The following OSGEP variants were observed in gnomAD, a reference collection of about 807,000 sequenced individuals.
The protein encoded by OSGEP is O-sialoglycoprotein endopeptidase.
OSGEP carries 39 observed loss-of-function variants against 44.1 expected under a neutral mutation model. The observed-to-expected ratio is 0.88, with a 90% CI of 0.69 to 1.16. The LOEUF (loss-of-function observed/expected upper bound fraction) is 1.16. Ranked by LOEUF, OSGEP falls within the 50% of genes most tolerant of loss-of-function variation. The probability of loss-of-function intolerance (pLI) is 0.00; values close to 1 mark genes in which losing one functional copy is unlikely to be tolerated. For missense variants in OSGEP, 403 were observed against 443.1 expected (o/e 0.91, Z 0.81); for synonymous variants, 139 against 161.9 (o/e 0.86, Z 1.07).
chr14:20,454,763 C>G lies in OSGEP; in HGVS notation c.-80G>C. ...GAGGTCCTCACTAGTCCGCGCTGGG[C>G]CGCAGCTTTCCGGAGCGCAGAGGAA... On this transcript the variant is annotated 5_prime_UTR_variant, in exon 1 of 11. Coordinates refer to ENST00000206542, the MANE Select transcript of OSGEP (RefSeq NM_017807.4). The G allele has an allele frequency of 9.9e-7, 1 of 1,014,390 alleles. No homozygotes were observed. The highest frequency in any genetic ancestry group is 1.5e-6 in the Non-Finnish European group (1 of 666,072). The allele number at this position is 1,014,390 out of a possible 1,614,324, so 62.8% of individuals were successfully genotyped here.
At chr14:20,452,293 A>G (rs779828550) in intron 2 of OSGEP, 36 bp downstream of exon 2, 3 of 1,611,622 alleles carry the variant, frequency 1.9e-6, no homozygotes, top group East Asian at 2.2e-5. Flanking sequence ...GGTTGCAGGT[A>G]TATTCCTCCA....
rs755083336 is a variant in OSGEP at position 20,449,218 on chromosome 14, C to T, written c.460G>A (p.Asp154Asn). ...TCCAGACAATTACCCACTGCAATATCGATGGTTTCCCCAAAGATACGGTAA... is the reference window on the plus strand; with the variant it reads ...TCCAGACAATTACCCACTGCAATATTGATGGTTTCCCCAAAGATACGGTAA... ...HRYRIFGETIDIAVGNCLDRF... is the reference protein window; with the variant it reads ...HRYRIFGETINIAVGNCLDRF... Residue 154 changes from aspartate to asparagine, a missense_variant, in exon 4 of 11, where the codon GAT becomes AAT. Asp to Asn is a conservative substitution (Grantham distance 23, BLOSUM62 1). Coordinates refer to ENST00000206542, the MANE Select transcript of OSGEP (RefSeq NM_017807.4). The T allele has an allele frequency of 1.9e-6, 3 of 1,613,528 alleles. No individual in the cohort carries two copies. Among genetic ancestry groups the T allele is most frequent in the African/African-American group, 1.3e-5 (1 of 75,018 alleles).
At chr14:20,450,779 AT>A (rs1442470463) in intron 3 of OSGEP, 1 of 152,268 alleles carries the variant, frequency 6.6e-6, no homozygotes, top group East Asian at 1.9e-4. Context: ...AAAAGGTCAT[AT>A]AAGGTAACCC....
Position 20,447,254 on chromosome 14 carries a change from T to C in OSGEP, c.994A>G (p.Thr332Ala), listed in dbSNP as rs1419274142. ...TGTTGATCTTATTAGTCCCTCCAGG[T>C]CACCTCTACTTCATCTGTCCGATAC... ...QRYRTDEVEV[T>A]WRD The change falls in exon 11 of 11, where the codon ACC becomes GCC. Residue 332 changes from threonine (T) to alanine (A), a missense_variant. By Grantham distance (58) the Thr-to-Ala change is moderately conservative. Coordinates refer to ENST00000206542, the MANE Select transcript of OSGEP (RefSeq NM_017807.4). The C allele has an allele frequency of 6.2e-7, 1 of 1,614,096 alleles. No homozygotes were observed. Among genetic ancestry groups the C allele is most frequent in the Admixed American group, 1.7e-5 (1 of 60,026 alleles).
Position 20,447,468 on chromosome 14 carries a change from G to A in OSGEP, c.922C>T (p.Arg308Trp), listed in dbSNP as rs374503423. The change falls in exon 10 of 11, where the codon CGG becomes TGG. Residue 308 changes from arginine to tryptophan, a missense_variant. Arg to Trp is a moderately radical substitution (Grantham distance 101). Coordinates refer to ENST00000206542, the MANE Select transcript of OSGEP (RefSeq NM_017807.4). The part of the protein sequence containing the change: ...MIAQAGWEMF[R>W]AGHRTPLSDS... ...CTGAGTGGGGTCCTGTGTCCAGCCC[G>A]AAACATCTCCCAGCCAGCCTGGGCT... 26 of 1,613,948 alleles carry A rather than the reference G, an allele frequency of 1.6e-5. No individual in the cohort carries two copies. The highest frequency in any genetic ancestry group is 2.2e-5 in the South Asian group (2 of 91,084).
At chr14:20,449,405 T>C in intron 3 of OSGEP, 139 bp from the exon 4 acceptor site, 4 of 651,584 alleles carry the variant, frequency 6.1e-6, no homozygotes, top group Non-Finnish European at 1.1e-5. Flanking sequence ...TCCCAAATGG[T>C]GAATGGGTAG....
chr14:20,452,710 T>G (rs1470816341), intron 1 of OSGEP, among the ~76,000 whole-genome samples: 1 of 30,180 alleles, frequency 3.3e-5, no homozygotes, highest in Admixed American at 2.7e-4. Context: ...TTCGTGATCT[T>G]TTTTTTTTTT....
chr14:20,451,659 G>T, intron 3 of OSGEP: 1 of 219,510 alleles, frequency 4.6e-6, no homozygotes, highest in Non-Finnish European at 8.9e-6. Context: ...TCAAAATAAT[G>T]CAAGAGCTTT....
intron 1 of OSGEP, among the ~76,000 whole-genome samples, chr14:20,453,500 G>A (rs779513409): frequency 1.3e-5 from 2 of 151,998 alleles, no homozygotes; most frequent in Non-Finnish European, 2.9e-5. Flanking sequence ...CCAAGTAGCT[G>A]GGTTTACAGG....
At position 20,447,419 on chromosome 14, in the gene OSGEP, C is replaced by G; in HGVS notation, c.968+3G>C. On this transcript the variant is annotated splice_donor_region_variant and intron_variant, in intron 10 of 10. Transcript: ENST00000206542. ...TACCCTCACCAAGAGGTGAATCACT[C>G]ACCTCTGTGTAACCCCAGAATCACT... 1 of 1,612,994 alleles carries G rather than the reference C, an allele frequency of 6.2e-7. No homozygotes were observed. Among genetic ancestry groups the G allele is most frequent in the Non-Finnish European group, 8.5e-7 (1 of 1,178,936 alleles).
chr14:20,448,645 G>C (rs1252398398), intron 6 of OSGEP, 88 bp downstream of exon 6: 5 of 906,552 alleles, frequency 5.5e-6, no homozygotes, highest in Non-Finnish European at 9.1e-6. Flanking sequence ...TGAATATACT[G>C]AGCTATACGA....
At position 20,452,708 on chromosome 14, in the gene OSGEP, CTT is replaced by C. The variant is rs59935464; in HGVS notation, c.116-262_116-261del. Among the ~76,000 whole-genome samples, 94 of 135,312 alleles carry C rather than the reference CTT, an allele frequency of 6.9e-4. No individual in the cohort carries two copies. The South Asian group carries it at 7.1e-3, about 10-fold the overall frequency. 88.8% of individuals were successfully genotyped at this position (135,312 alleles called of 152,430 possible). On this transcript the variant is annotated intron_variant, in intron 1 of 10. Transcript: ENST00000206542. ...TATCTACCTCATACCCTTTCGTGAT[CTT>C]TTTTTTTTTTTTTTCTTTTGAGACA...
At position 20,447,677 on chromosome 14, in the gene OSGEP, T is replaced by C. The variant is rs1488480452; in HGVS notation, c.807A>G (p.Leu269=). 2 of 1,613,600 alleles carry C rather than the reference T, an allele frequency of 1.2e-6. No individual in the cohort carries two copies. The highest frequency in any genetic ancestry group is 2.2e-5 in the East Asian group (1 of 44,878). ...GGCACATTGTTGCCATCATCTCCTG[T>C]AGCCTCACATTACCTACAAAGAGGC... ...IVGGVGCNVR[L]QEMMATMCQE... The change falls in exon 9 of 11, where the codon CTA becomes CTG. Residue 269 remains leucine, a synonymous_variant. Coordinates refer to ENST00000206542, the MANE Select transcript of OSGEP (RefSeq NM_017807.4).
chr14:20,451,291 G>GTTT, intron 3 of OSGEP: 1 of 282,552 alleles, frequency 3.5e-6, no homozygotes, highest in South Asian at 2.9e-5. Flanking sequence ...TCCTTTAGTT[G>GTTT]TTTTTTTTTG....
At chr14:20,451,932 G>A (rs1486538952) in intron 3 of OSGEP, 42 bp downstream of exon 3, 3 of 1,471,690 alleles carry the variant, frequency 2.0e-6, no homozygotes, top group East Asian at 2.4e-5. Context: ...CTGGTTCAGT[G>A]CCTCAGAAAT....
At chr14:20,454,518 A>C in intron 1 of OSGEP, 51 bp downstream of exon 1, 1 of 1,231,478 alleles carries the variant, frequency 8.1e-7, no homozygotes, top group African/African-American at 1.5e-5. Flanking sequence ...TGGAAGGCTG[A>C]TTCTGTGCGG....
Position 20,449,076 on chromosome 14 carries a change from G to T in OSGEP, c.508-63C>A, listed in dbSNP as rs536826697. 1.2e-5 allele frequency: 18 copies of T among 1,512,410 alleles called. No individual in the cohort carries two copies. The East Asian group carries it at 3.6e-4, about 30-fold the overall frequency. 93.7% of individuals were successfully genotyped at this position (1,512,410 alleles called of 1,614,324 possible). On this transcript the variant is annotated intron_variant, in intron 4 of 10. Transcript: ENST00000206542. ...GAGGATGAAATCAGATATGCAGGAA[G>T]CATAAGAAGCTCATTTACTATTTCC...
At chr14:20,447,716 A>T in intron 8 of OSGEP, 26 bp from the exon 9 acceptor site, 1 of 1,586,674 alleles carries the variant, frequency 6.3e-7, no homozygotes, top group Non-Finnish European at 8.7e-7. Flanking sequence ...GAACAGGATT[A>T]GCTTAGTTTT....
At chr14:20,450,685 C>T (rs1240763749) in intron 3 of OSGEP, 1 of 152,222 alleles carries the variant, frequency 6.6e-6, no homozygotes, top group East Asian at 1.9e-4. Flanking sequence ...CTCGACACAA[C>T]CCTTTCATGA....
Sources: allele counts gnomAD v4.1 joint callset (sites outside exome capture counted in the v4.1 genomes callset), GRCh38; gene constraint gnomAD v4.1.1; transcripts MANE v1.5; gene names NCBI Gene and HGNC (gene_info 2026-07-23, HGNC 2026-07-21).